The following GGACT variants were observed in gnomAD, a reference collection of about 807,000 sequenced individuals.
GGACT encodes the protein gamma-glutamylamine cyclotransferase.
For missense variants in GGACT, 241 were observed against 233.2 expected (o/e 1.03, Z -0.22); for synonymous variants, 118 against 115.3 (o/e 1.02, Z -0.15).
chr13:100,565,822 C>T (rs1464169214), intron 2 of GGACT, among the ~76,000 whole-genome samples: 1 of 152,126 alleles, frequency 6.6e-6, no homozygotes, highest in African/African-American at 2.4e-5. Context: ...GCCTGGCATC[C>T]CTGTCCCTGT....
At chr13:100,536,860 C>T (rs1009395922) in intron 2 of GGACT, 1 of 152,732 alleles carries the variant, frequency 6.5e-6, no homozygotes, top group Non-Finnish European at 1.5e-5. Context: ...GAAAGGAACC[C>T]GCCATCCTCT....
intron 2 of GGACT, among the ~76,000 whole-genome samples, chr13:100,543,960 TG>T (rs1225412567): frequency 1.3e-5 from 2 of 152,194 alleles, no homozygotes; most frequent in Non-Finnish European, 2.9e-5. Context: ...GGCTGTACAC[TG>T]GTTTCAAGGA....
chr13:100,588,613 G>A (rs1003670070), intron 1 of GGACT, 128 bp downstream of exon 1: 5 of 151,662 alleles, frequency 3.3e-5, no homozygotes, highest in African/African-American at 1.2e-4. Context: ...CGGGGACGCC[G>A]AGTGCTGCGG....
chr13:100,547,350 T>C lies in GGACT; in HGVS notation c.-10-14749A>G, dbSNP rs951646218. Among the ~76,000 whole-genome samples, 6 of 152,298 alleles carry C rather than the reference T, an allele frequency of 3.9e-5. No homozygotes were observed. In the East Asian group the frequency reaches 1.2e-3, roughly 29 times the overall value. On this transcript the variant is annotated intron_variant, in intron 2 of 2. Coordinates refer to ENST00000683975, the MANE Select transcript of GGACT (RefSeq NM_001195087.2). The stretch of plus-strand genomic sequence containing the variant: ...GCAGACACAGGGCCCTCTGGGGAGA[T>C]GGAAATGCTCCTTATACTGATTGGG...
chr13:100,548,462 T>G (rs1282263764), intron 2 of GGACT, among the ~76,000 whole-genome samples: 1 of 152,260 alleles, frequency 6.6e-6, no homozygotes, highest in African/African-American at 2.4e-5. Context: ...GCTGACAGAA[T>G]ATTCTAGAAG....
At position 100,573,688 on chromosome 13, in the gene GGACT, A is replaced by G. The variant is rs192328068; in HGVS notation, c.-11+10137T>C. ...GTTTTAAAACAAAAACTACTCGAAC[A>G]CAGGATCAACAAGCAAAAAACAAAT... On this transcript the variant is annotated intron_variant, in intron 2 of 2. Transcript: ENST00000683975. Among the ~76,000 whole-genome samples, 494 of 152,200 alleles carry G rather than the reference A, an allele frequency of 3.2e-3. 2 individuals carry two copies. Among genetic ancestry groups the G allele is most frequent in the African/African-American group, 0.011 (462 of 41,502 alleles).
chr13:100,546,361 CAAAA>C, intron 2 of GGACT, among the ~76,000 whole-genome samples: 1 of 54,610 alleles, frequency 1.8e-5, no homozygotes, highest in African/African-American at 7.1e-5. Flanking sequence ...GACTCTGTCT[CAAAA>C]AAAAAAAAAA....
In GGACT at chr13:100,530,232, A is replaced by G. The variant is rs1178212692; in HGVS notation, c.*1898T>C. The G allele has an allele frequency of 7.9e-7, 1 of 1,260,766 alleles. No homozygotes were observed. The highest frequency in any genetic ancestry group is 2.3e-5 in the East Asian group (1 of 43,266). 78.1% of individuals were successfully genotyped at this position (1,260,766 alleles called of 1,614,324 possible). A position where few individuals can be genotyped will look rare whatever the true frequency, so the allele number is the denominator to read the frequency against. On this transcript the variant is annotated 3_prime_UTR_variant, in exon 3 of 3. Transcript: ENST00000683975. ...CATTTGCATGATGCTTTCACACACA[A>G]TTGATTCAAGCATTATACAGGAACA... is the stretch of plus-strand genomic sequence containing the variant.
chr13:100,537,569 G>A (rs1167599849), intron 2 of GGACT: 1 of 152,304 alleles, frequency 6.6e-6, no homozygotes, highest in African/African-American at 2.4e-5. Context: ...TGTGCTAAGT[G>A]CTGGGCATGC....
At chr13:100,559,480 C>A (rs1450428004) in intron 2 of GGACT, among the ~76,000 whole-genome samples, 1 of 151,140 alleles carries the variant, frequency 6.6e-6, no homozygotes, top group African/African-American at 2.4e-5. Flanking sequence ...AGCCACCGTG[C>A]CCGACCTGTA....
At chr13:100,577,059 AAAC>A (rs1257083160) in intron 2 of GGACT, among the ~76,000 whole-genome samples, 1 of 152,204 alleles carries the variant, frequency 6.6e-6, no homozygotes, top group African/African-American at 2.4e-5. Context: ...AGAGATACAT[AAAC>A]CAAATACAAT....
chr13:100,563,091 G>C (rs2088779949), intron 2 of GGACT, among the ~76,000 whole-genome samples: 1 of 152,216 alleles, frequency 6.6e-6, no homozygotes, highest in Non-Finnish European at 1.5e-5. Flanking sequence ...CTAGAACTGT[G>C]AGAAAGTTCT....
chr13:100,586,745 C>G (rs1875589220), intron 1 of GGACT: 1 of 152,298 alleles, frequency 6.6e-6, no homozygotes, highest in South Asian at 2.1e-4. Context: ...TAGCTATTTA[C>G]CAGGTCTGTT....
intron 2 of GGACT, among the ~76,000 whole-genome samples, chr13:100,550,417 TACACACAC>T (rs61669253): frequency 0.017 from 1,201 of 72,496 alleles, 79 homozygotes; most frequent in South Asian, 0.03. Flanking sequence ...GATTATACTC[TACACACAC>T]ACACACACAC....
intron 2 of GGACT, among the ~76,000 whole-genome samples, chr13:100,549,630 C>A (rs1050988326): frequency 6.6e-6 from 1 of 152,230 alleles, no homozygotes; most frequent in Non-Finnish European, 1.5e-5. Flanking sequence ...AGGCAGGACT[C>A]GTTTTGGTAG....
chr13:100,566,573 T>C (rs141847070), intron 2 of GGACT, among the ~76,000 whole-genome samples: 2,559 of 152,284 alleles, frequency 0.017, 77 homozygotes, highest in African/African-American at 0.058. Context: ...CGAGGTCCCC[T>C]TTACCAGATC....
intron 2 of GGACT, among the ~76,000 whole-genome samples, chr13:100,571,842 G>A: frequency 6.6e-6 from 1 of 152,158 alleles, no homozygotes; most frequent in Non-Finnish European, 1.5e-5. Context: ...CTCCCTCTGA[G>A]AGAAGGATAA....
chr13:100,550,455 CACA>C, intron 2 of GGACT, among the ~76,000 whole-genome samples: 1 of 144,536 alleles, frequency 6.9e-6, no homozygotes, highest in South Asian at 2.4e-4. Flanking sequence ...CACACACACA[CACA>C]CCACTTTTAA....
Position 100,532,160 on chromosome 13 carries a change from C to A in GGACT, c.432G>T (p.Gly144=). Residue 144 remains glycine, a synonymous_variant, in exon 3 of 3, where the codon GGG becomes GGT. Transcript: ENST00000683975. ...HDSYDSEGPH[G]LRYNPRENR Reference sequence around the variant, plus strand: ...TGTTCTCCCGGGGGTTGTAGCGCAGCCCGTGCGGCCCCTCGGAGTCGTAGC... The same window carrying A: ...TGTTCTCCCGGGGGTTGTAGCGCAGACCGTGCGGCCCCTCGGAGTCGTAGC... 6.9e-7 allele frequency: 1 copy of A among 1,456,916 alleles called. No individual in the cohort carries two copies. Among genetic ancestry groups the A allele is most frequent in the Non-Finnish European group, 9.1e-7 (1 of 1,099,262 alleles). 90.2% of individuals were successfully genotyped at this position (1,456,916 alleles called of 1,614,324 possible). A position where few individuals can be genotyped will look rare whatever the true frequency, so the allele number is the denominator to read the frequency against.
Sources: allele counts gnomAD v4.1 joint callset (sites outside exome capture counted in the v4.1 genomes callset), GRCh38; gene constraint gnomAD v4.1.1; transcripts MANE v1.5; gene names NCBI Gene and HGNC (gene_info 2026-07-23, HGNC 2026-07-21).